Variants in DAG1 observed in about 807,000 individuals in gnomAD.
DAG1 encodes the protein dystroglycan 1 (dystrophin-associated glycoprotein 1).
In DAG1, 8 loss-of-function variants were observed where a neutral mutation model predicts 46.1. That is an observed-to-expected ratio of 0.17 (90% CI 0.10 to 0.31). DAG1 has a LOEUF of 0.31. Among genes scored for constraint, DAG1 ranks in the 10% least tolerant of loss-of-function variants. The probability of loss-of-function intolerance (pLI) is 1.00; values close to 1 mark genes in which losing one functional copy is unlikely to be tolerated. For synonymous variants in DAG1, 495 were observed against 481.8 expected, an observed-to-expected ratio of 1.03 and a Z score of -0.36; for missense variants, 1,003 against 1,189.9, an observed-to-expected ratio of 0.84 and a Z score of 2.31.
At chr3:49,502,763 C>T (rs933219531) in intron 1 of DAG1, among the ~76,000 whole-genome samples, 1 of 151,778 alleles carries the variant, frequency 6.6e-6, no homozygotes, top group Non-Finnish European at 1.5e-5. Context: ...CTCAGCCTCC[C>T]GAGTAGCTGG....
intron 1 of DAG1, among the ~76,000 whole-genome samples, chr3:49,501,986 G>C (rs1030327367): frequency 5.9e-5 from 9 of 152,122 alleles, no homozygotes; most frequent in Non-Finnish European, 1.3e-4. Flanking sequence ...AAACCAGCCT[G>C]GGTAATATAG....
At chr3:49,507,779 C>T (rs899411082) in intron 1 of DAG1, among the ~76,000 whole-genome samples, 4 of 151,868 alleles carry the variant, frequency 2.6e-5, no homozygotes, top group African/African-American at 9.7e-5. Context: ...CAACCTTCTT[C>T]CTTAGCCTCC....
rs775163710 is a variant in DAG1, at chr3:49,531,946, C to T, written c.1435C>T (p.Arg479Cys). The change falls in exon 3 of 3, where the codon CGT becomes TGT. Residue 479 changes from arginine (R) to cysteine (C), a missense_variant. By Grantham distance (180) the Arg-to-Cys change is radical (BLOSUM62 -3). This residue lies in a region of DAG1 where 755 missense variants were observed against 854.1 expected (regional missense o/e 0.88). Coordinates refer to ENST00000308775, the MANE Select transcript of DAG1 (RefSeq NM_004393.6). This position sits in a 1 kb window ranked among gnomAD's most constrained non-coding sequence, Gnocchi z 7.0. ...ATTGGAAACTGCCTCACCGCCTACTCGTATTCGCACCACCACCAGTGGAGT... is the reference window on the plus strand; with the variant it reads ...ATTGGAAACTGCCTCACCGCCTACTTGTATTCGCACCACCACCAGTGGAGT... The part of the protein sequence containing the change: ...TRLETASPPT[R>C]IRTTTSGVPR... The T allele has an allele frequency of 3.7e-6, 6 of 1,614,104 alleles. No homozygotes were observed. Among genetic ancestry groups the T allele is most frequent in the Admixed American group, 1.7e-5 (1 of 60,014 alleles).
At chr3:49,480,843 G>C (rs2049858861) in intron 1 of DAG1, among the ~76,000 whole-genome samples, 2 of 125,862 alleles carry the variant, frequency 1.6e-5, no homozygotes, top group Non-Finnish European at 1.8e-5. Context: ...CTCACTGCAA[G>C]CTCCGCCTCC....
intron 2 of DAG1, among the ~76,000 whole-genome samples, chr3:49,513,622 C>T (rs904055608): frequency 2.0e-5 from 3 of 152,180 alleles, no homozygotes; most frequent in African/African-American, 7.2e-5. Context: ...CTGTTGGTCA[C>T]CTTCTTTTTA....
rs1308806515 is a variant in DAG1, at chr3:49,534,434, A to G, written c.*1235A>G. The G allele has an allele frequency of 1.3e-5, 2 of 152,588 alleles. No homozygotes were observed. The highest frequency in any genetic ancestry group is 2.4e-5 in the African/African-American group (1 of 41,438). 9.5% of individuals were successfully genotyped at this position (152,588 alleles called of 1,614,324 possible). A position where few individuals can be genotyped will look rare whatever the true frequency, so the allele number is the denominator to read the frequency against. ...GCGGCTGGGGAGGAGTGCCAGCAAT[A>G]GTTCATAATAAAAATCTGTTAGCTC... On this transcript the variant is annotated 3_prime_UTR_variant, in exon 3 of 3. Transcript: ENST00000308775.
chr3:49,471,877 A>T (rs2049530021), intron 1 of DAG1, among the ~76,000 whole-genome samples: 1 of 152,216 alleles, frequency 6.6e-6, no homozygotes, highest in Admixed American at 6.5e-5. Context: ...CATGATTAAT[A>T]GTGTCTGCCC....
chr3:49,472,004 A>C (rs1293716000), intron 1 of DAG1, among the ~76,000 whole-genome samples: 1 of 152,198 alleles, frequency 6.6e-6, no homozygotes, highest in East Asian at 1.9e-4. Flanking sequence ...CCACATGTAC[A>C]TGAGCACCTA....
chr3:49,512,038 AT>A (rs951816320), intron 2 of DAG1, among the ~76,000 whole-genome samples: 23 of 148,476 alleles, frequency 1.5e-4, no homozygotes, highest in East Asian at 2.0e-4. Context: ...TTCTTTTACA[AT>A]TTTTTTTTTT....
At chr3:49,481,832 C>T (rs772981519) in intron 1 of DAG1, among the ~76,000 whole-genome samples, 14 of 152,158 alleles carry the variant, frequency 9.2e-5, no homozygotes, top group Non-Finnish European at 1.8e-4. Context: ...TACAAACAAG[C>T]ACCTCTTATA....
At chr3:49,523,354 A>C (rs779835574) in intron 2 of DAG1, among the ~76,000 whole-genome samples, 2 of 152,178 alleles carry the variant, frequency 1.3e-5, no homozygotes, top group African/African-American at 2.4e-5. Context: ...CTGGGATTAC[A>C]GGTGTGAGCC....
At position 49,532,056 on chromosome 3, in the gene DAG1, G is replaced by A. The variant is rs1359281429; in HGVS notation, c.1545G>A (p.Glu515=). The A allele has an allele frequency of 6.2e-7, 1 of 1,614,090 alleles. No individual in the cohort carries two copies. Among genetic ancestry groups the A allele is most frequent in the Non-Finnish European group, 8.5e-7 (1 of 1,180,042 alleles). The stretch of plus-strand genomic sequence containing the variant: ...ATGCCTGGGTTGGCACCTACTTTGA[G>A]GTGAAGATCCCGTCAGACACTTTCT... The part of the protein sequence containing the change: ...RVDAWVGTYF[E]VKIPSDTFYD... The change falls in exon 3 of 3, where the codon GAG becomes GAA. Residue 515 remains glutamate (E), a synonymous_variant. Coordinates refer to ENST00000308775, the MANE Select transcript of DAG1 (RefSeq NM_004393.6). This position sits in a 1 kb window ranked among gnomAD's most constrained non-coding sequence, Gnocchi z 5.4.
At chr3:49,474,343 C>T (rs1211269877) in intron 1 of DAG1, among the ~76,000 whole-genome samples, 4 of 151,708 alleles carry the variant, frequency 2.6e-5, no homozygotes, top group South Asian at 4.2e-4. Context: ...CGTGAGCCAC[C>T]GCACCCGGCT....
intron 1 of DAG1, among the ~76,000 whole-genome samples, chr3:49,478,250 G>T (rs1186296696): frequency 8.1e-5 from 12 of 147,814 alleles, no homozygotes; most frequent in African/African-American, 2.8e-4. Context: ...CTCCATCCTG[G>T]GCGATGGAGT....
intron 1 of DAG1, among the ~76,000 whole-genome samples, chr3:49,492,171 T>G (rs1386785731): frequency 2.0e-5 from 3 of 147,578 alleles, no homozygotes; most frequent in Admixed American, 2.0e-4. Flanking sequence ...GTGATCTGCC[T>G]GCCTTGGCCT....
At chr3:49,497,493 A>G (rs143719425) in intron 1 of DAG1, among the ~76,000 whole-genome samples, 2,075 of 151,786 alleles carry the variant, frequency 0.014, 27 homozygotes, top group Non-Finnish European at 0.017. Context: ...GTGAACCAGT[A>G]GTCCCAGTTG....
At chr3:49,475,761 T>G (rs2106849124) in intron 1 of DAG1, among the ~76,000 whole-genome samples, 1 of 150,202 alleles carries the variant, frequency 6.7e-6, no homozygotes, top group East Asian at 2.0e-4. Context: ...TGGAGTGCAG[T>G]GGTGCGATCC....
chr3:49,531,197 C>T lies in DAG1; in HGVS notation c.686C>T (p.Pro229Leu). ...EVELHNMKLV[P>L]VVNNRLFDMS... is the part of the protein sequence containing the mutation. ...GAGCTTCACAACATGAAATTAGTGC[C>T]GGTGGTGAATAACAGACTATTTGAC... The change falls in exon 3 of 3, where the codon CCG becomes CTG. Residue 229 changes from proline (P) to leucine (L), a missense_variant. Pro to Leu is a moderately conservative substitution (Grantham distance 98). Transcript: ENST00000308775. This position sits in a 1 kb window ranked among gnomAD's most constrained non-coding sequence, Gnocchi z 7.0. 6.2e-7 allele frequency: 1 copy of T among 1,614,088 alleles called. No homozygotes were observed. Among genetic ancestry groups the T allele is most frequent in the Non-Finnish European group, 8.5e-7 (1 of 1,180,008 alleles).
At chr3:49,473,003 C>T (rs534836805) in intron 1 of DAG1, among the ~76,000 whole-genome samples, 40 of 151,850 alleles carry the variant, frequency 2.6e-4, no homozygotes, top group African/African-American at 8.5e-4. Context: ...CGCCTTTAAT[C>T]GCAGCTACTC....
Sources: gnomAD v4.1 joint callset for allele counts (sites outside exome capture counted in the v4.1 genomes callset) on GRCh38, gnomAD v4.1.1 for gene constraint, gnomAD v4.1.1 regional missense constraint, Gnocchi (gnomAD v3.1) non-coding constraint, MANE v1.5 for transcripts, NCBI Gene and HGNC (gene_info 2026-07-23, HGNC 2026-07-21) for gene names.